Variants in ARHGAP25 observed in about 807,000 individuals in gnomAD.
ARHGAP25 encodes rho GTPase-activating protein 25.
A neutral mutation model predicts 71.0 loss-of-function variants in ARHGAP25; 34 were observed. That is an observed-to-expected ratio of 0.48 (90% CI 0.36 to 0.64). ARHGAP25 has a LOEUF of 0.64. Ranked by LOEUF, ARHGAP25 falls within the 30% of genes least tolerant of loss-of-function variation. The probability of loss-of-function intolerance (pLI) is 0.00; values close to 1 mark genes in which losing one functional copy is unlikely to be tolerated. For synonymous variants in ARHGAP25, 282 were observed against 296.5 expected, an observed-to-expected ratio of 0.95 and a Z score of 0.50; for missense variants, 706 against 805.1, an observed-to-expected ratio of 0.88 and a Z score of 1.49.
chr2:68,794,541 C>T (rs1679405397), intron 4 of ARHGAP25, among the ~76,000 whole-genome samples: 1 of 151,954 alleles, frequency 6.6e-6, no homozygotes. Flanking sequence ...TGGCTTTTGC[C>T]TTAATTCTGT....
At chr2:68,802,823 ATGT>A (rs1680093883) in intron 4 of ARHGAP25, among the ~76,000 whole-genome samples, 1 of 151,970 alleles carries the variant, frequency 6.6e-6, no homozygotes, top group South Asian at 2.1e-4. Flanking sequence ...AGAAAAGCAA[ATGT>A]TGGTCATTTG....
chr2:68,763,482 C>T (rs375963946), intron 1 of ARHGAP25, among the ~76,000 whole-genome samples: 16 of 152,094 alleles, frequency 1.1e-4, no homozygotes, highest in African/African-American at 2.4e-4. Flanking sequence ...CCCCTTTTTT[C>T]GGTTTGAGAT....
intron 1 of ARHGAP25, among the ~76,000 whole-genome samples, chr2:68,745,906 G>C (rs187671644): frequency 6.6e-6 from 1 of 152,194 alleles, no homozygotes; most frequent in Non-Finnish European, 1.5e-5. Context: ...GCAAAAGGGA[G>C]GAGTGCCGTG....
intron 4 of ARHGAP25, among the ~76,000 whole-genome samples, chr2:68,789,681 T>C (rs1679028009): frequency 6.6e-6 from 1 of 152,188 alleles, no homozygotes; most frequent in African/African-American, 2.4e-5. Flanking sequence ...GCTATCTGCA[T>C]AGACAAGGGT....
intron 4 of ARHGAP25, among the ~76,000 whole-genome samples, chr2:68,804,937 A>G (rs1450035378): frequency 6.6e-6 from 1 of 152,244 alleles, no homozygotes; most frequent in African/African-American, 2.4e-5. Flanking sequence ...GCTTACAATC[A>G]TGCAGATGAC....
intron 1 of ARHGAP25, among the ~76,000 whole-genome samples, chr2:68,750,591 G>A (rs1676106979): frequency 6.6e-6 from 1 of 152,176 alleles, no homozygotes; most frequent in African/African-American, 2.4e-5. Context: ...AAAGTGCTGG[G>A]ATTGCAGGCA....
At chr2:68,725,774 CT>C (rs1481374531) in intron 2 of ARHGAP25, among the ~76,000 whole-genome samples, 1 of 152,208 alleles carries the variant, frequency 6.6e-6, no homozygotes, top group Non-Finnish European at 1.5e-5. Context: ...TTATCTTCCC[CT>C]TCCTCCTTTT....
chr2:68,822,346 G>A lies in ARHGAP25; in HGVS notation c.1207G>A (p.Asp403Asn), dbSNP rs1315038079. ...RTDSFSSMTSDSDTTSPTGQQ... is the reference protein window; with the variant it reads ...RTDSFSSMTSNSDTTSPTGQQ... ...ATGGCCATTTCTTTTCTAGACAAGC[G>A]ACTCTGATACAACCAGCCCCACCGG... Residue 403 changes from aspartate to asparagine, a missense_variant, in exon 10 of 11, where the codon GAC becomes AAC. Physicochemically the swap from Asp to Asn is conservative, Grantham distance 23 (BLOSUM62 1). Coordinates refer to ENST00000409202, the MANE Select transcript of ARHGAP25 (RefSeq NM_001007231.3). The A allele has an allele frequency of 6.2e-6, 10 of 1,612,302 alleles. No individual in the cohort carries two copies. The highest frequency in any genetic ancestry group is 1.7e-5 in the Admixed American group (1 of 59,688).
chr2:68,806,065 G>T (rs565385630), intron 4 of ARHGAP25, among the ~76,000 whole-genome samples: 1 of 152,292 alleles, frequency 6.6e-6, no homozygotes, highest in African/African-American at 2.4e-5. Flanking sequence ...GGTGGAGCTG[G>T]CCCACACTTG....
chr2:68,756,227 C>G (rs966263448), intron 1 of ARHGAP25, among the ~76,000 whole-genome samples: 1 of 152,372 alleles, frequency 6.6e-6, no homozygotes, highest in South Asian at 2.1e-4. Context: ...GATGTGCATA[C>G]ATTCCAGTAG....
chr2:68,824,290 T>A (rs114701942), intron 10 of ARHGAP25, among the ~76,000 whole-genome samples: 1 of 152,026 alleles, frequency 6.6e-6, no homozygotes, highest in Non-Finnish European at 1.5e-5. Flanking sequence ...AATCCATCAG[T>A]TGGGGAAGCC....
At chr2:68,777,850 T>C (rs6546433) in intron 2 of ARHGAP25, among the ~76,000 whole-genome samples, 65,862 of 151,966 alleles carry the variant, frequency 0.43, 14,553 homozygotes, top group African/African-American at 0.51. Flanking sequence ...ACAATCCCAT[T>C]AGTAAGAAAT....
At chr2:68,825,049 A>C (rs1273671437) in intron 10 of ARHGAP25, among the ~76,000 whole-genome samples, 2 of 152,230 alleles carry the variant, frequency 1.3e-5, no homozygotes, top group Non-Finnish European at 2.9e-5. Flanking sequence ...GCAGGGGGCC[A>C]CCTGGCACTA....
chr2:68,775,282 C>A lies in ARHGAP25; in HGVS notation c.123C>A (p.Pro41=). 1 of 1,614,240 alleles carries A rather than the reference C, an allele frequency of 6.2e-7. No individual in the cohort carries two copies. Residue 41 remains proline, a synonymous_variant, in exon 2 of 11, where the codon CCC becomes CCA. Transcript: ENST00000409202. ...CTGCCTTCCATCCATCGTCCACCCCCAACCCGCTGGAGAGGCCCATCAAGA... is the reference window on the plus strand; with the variant it reads ...CTGCCTTCCATCCATCGTCCACCCCAAACCCGCTGGAGAGGCCCATCAAGA... ...QMAAFHPSST[P]NPLERPIKMG... is the part of the protein sequence containing the mutation.
chr2:68,715,872 A>C (rs1674597447), intron 2 of ARHGAP25, among the ~76,000 whole-genome samples: 2 of 152,232 alleles, frequency 1.3e-5, no homozygotes, highest in South Asian at 4.1e-4. Context: ...CTCTCTGGGT[A>C]GGCTGGGCCA....
At chr2:68,791,710 G>A (rs1679186099) in intron 4 of ARHGAP25, among the ~76,000 whole-genome samples, 1 of 152,126 alleles carries the variant, frequency 6.6e-6, no homozygotes, top group Non-Finnish European at 1.5e-5. Context: ...TTACTCTGGT[G>A]ACAATTGTGC....
At chr2:68,735,864 G>C (rs1675185884) in intron 1 of ARHGAP25, among the ~76,000 whole-genome samples, 2 of 152,132 alleles carry the variant, frequency 1.3e-5, no homozygotes, top group Admixed American at 1.3e-4. Context: ...TATTTTAAGG[G>C]AGACTGGCAT....
At position 68,806,642 on chromosome 2, in the gene ARHGAP25, C is replaced by T. The variant is rs77245429; in HGVS notation, c.467-631C>T. On this transcript the variant is annotated intron_variant, in intron 4 of 10. Transcript: ENST00000409202. ...TCTTAGGCTGGACCGAGCGGGACCG[C>T]GAGAGATTTCATCATGCTACTCAGA... 2.7e-3 allele frequency among the ~76,000 whole-genome samples: 408 copies of T among 152,304 alleles called. 7 individuals are homozygous for T. In the East Asian group the frequency reaches 0.057, roughly 21 times the overall value.
intron 1 of ARHGAP25, among the ~76,000 whole-genome samples, chr2:68,769,648 C>T (rs915648677): frequency 1.3e-5 from 2 of 152,122 alleles, no homozygotes; most frequent in African/African-American, 4.8e-5. Context: ...ACAAAGGCTA[C>T]GATACACAGG....
Sources: gnomAD v4.1 joint callset for allele counts (sites outside exome capture counted in the v4.1 genomes callset) on GRCh38, gnomAD v4.1.1 for gene constraint, MANE v1.5 for transcripts, NCBI Gene and HGNC (gene_info 2026-07-23, HGNC 2026-07-21) for gene names.